Variants in INO80 observed in about 807,000 individuals in gnomAD.
INO80 encodes chromatin-remodeling ATPase INO80.
In INO80, 20 loss-of-function variants were observed where a neutral mutation model predicts 203.4. That is an observed-to-expected ratio of 0.10 (90% CI 0.07 to 0.14). INO80 has a LOEUF of 0.14. INO80 is among the 10% of genes least tolerant of loss of function. The pLI is 1.00. For missense variants in INO80, 1,419 were observed against 1,914.4 expected (o/e 0.74, Z 4.83); for synonymous variants, 726 against 685.2 (o/e 1.06, Z -0.93).
At chr15:41,061,415 G>T (rs988264087) in intron 14 of INO80, among the ~76,000 whole-genome samples, 1 of 141,804 alleles carries the variant, frequency 7.1e-6, no homozygotes, top group African/African-American at 2.8e-5. Context: ...GACCACCCTG[G>T]CCAACATGGT....
rs2044493503 is a variant in INO80, at chr15:41,032,058, CACAGGACAGCACAGG to C, written c.2908-4337_2908-4323del. Among the ~76,000 whole-genome samples, 274 of 69,834 alleles carry C rather than the reference CACAGGACAGCACAGG, an allele frequency of 3.9e-3. 4 individuals carry two copies. The highest frequency in any genetic ancestry group is 8.3e-3 in the African/African-American group (165 of 19,974). 45.8% of individuals were successfully genotyped at this position (69,834 alleles called of 152,430 possible). ...CACAGCACAGCACAGCACAGCACAG[CACAGGACAGCACAGG>C]ACAGCACAGCACAGCACAGCACAGC... On this transcript the variant is annotated intron_variant, in intron 24 of 35. Coordinates refer to ENST00000648947, the MANE Select transcript of INO80 (RefSeq NM_017553.3).
chr15:41,008,843 A>AT (rs1014799096), intron 27 of INO80, among the ~76,000 whole-genome samples: 3 of 151,748 alleles, frequency 2.0e-5, no homozygotes, highest in Non-Finnish European at 2.9e-5. Context: ...TTTTATTTTT[A>AT]TTTTTTTTGA....
At chr15:40,981,571 A>C (rs1893831711) in intron 35 of INO80, among the ~76,000 whole-genome samples, 1 of 152,218 alleles carries the variant, frequency 6.6e-6, no homozygotes, top group South Asian at 2.1e-4. Context: ...ATTACTGAGC[A>C]ATTACTACAC....
intron 28 of INO80, among the ~76,000 whole-genome samples, chr15:40,999,870 C>T (rs1445841630): frequency 1.3e-5 from 2 of 152,094 alleles, no homozygotes; most frequent in Non-Finnish European, 2.9e-5. Context: ...GTGTGAGGAT[C>T]ACTTGAGCCT....
intron 16 of INO80, among the ~76,000 whole-genome samples, chr15:41,058,083 A>C (rs1407952672): frequency 2.6e-5 from 4 of 152,156 alleles, no homozygotes; most frequent in African/African-American, 9.6e-5. Context: ...AACATAAAAC[A>C]AACAGAGCAT....
intron 29 of INO80, 69 bp from the exon 30 acceptor site, chr15:40,988,043 C>A: frequency 7.2e-7 from 1 of 1,386,526 alleles, no homozygotes; most frequent in Non-Finnish European, 1.0e-6. Flanking sequence ...GCAACCCAGC[C>A]AATTGTCTGT....
At chr15:41,064,503 C>T (rs1015512978) in intron 14 of INO80, among the ~76,000 whole-genome samples, 2 of 152,064 alleles carry the variant, frequency 1.3e-5, no homozygotes, top group African/African-American at 4.8e-5. Flanking sequence ...CCTAGAAATA[C>T]ACTTTTAAAT....
chr15:41,099,723 A>G (rs1159734127), intron 1 of INO80, among the ~76,000 whole-genome samples: 1 of 151,990 alleles, frequency 6.6e-6, no homozygotes, highest in East Asian at 1.9e-4. Flanking sequence ...TTGAGACCTC[A>G]GTAAGTCATG....
chr15:41,080,216 C>T (rs1197493280), intron 8 of INO80, among the ~76,000 whole-genome samples: 1 of 152,176 alleles, frequency 6.6e-6, no homozygotes, highest in South Asian at 2.1e-4. Flanking sequence ...ACAGCTATCA[C>T]TGCTTATTAC....
chr15:40,989,829 G>A (rs1227339617), intron 29 of INO80, among the ~76,000 whole-genome samples: 1 of 152,156 alleles, frequency 6.6e-6, no homozygotes, highest in Non-Finnish European at 1.5e-5. Flanking sequence ...CCTTTAGTCA[G>A]ATGGGTCTCT....
At chr15:41,032,462 A>C (rs1341817888) in intron 24 of INO80, among the ~76,000 whole-genome samples, 1 of 152,180 alleles carries the variant, frequency 6.6e-6, no homozygotes, top group Non-Finnish European at 1.5e-5. Flanking sequence ...CATTTGCAGC[A>C]CTCACGATCT....
At chr15:41,000,516 C>A (rs1216541377) in intron 28 of INO80, among the ~76,000 whole-genome samples, 5 of 151,512 alleles carry the variant, frequency 3.3e-5, no homozygotes, top group Non-Finnish European at 7.4e-5. Context: ...GGCAACAGGG[C>A]GAAACCTTGT....
chr15:41,058,904 A>G, intron 15 of INO80, 123 bp from the exon 16 acceptor site: 2 of 853,744 alleles, frequency 2.3e-6, no homozygotes, highest in Non-Finnish European at 3.6e-6. Flanking sequence ...TGCTTCTCCC[A>G]TATGGTAGGG....
intron 24 of INO80, among the ~76,000 whole-genome samples, chr15:41,038,086 C>G (rs920461481): frequency 7.4e-5 from 10 of 134,692 alleles, no homozygotes; most frequent in African/African-American, 2.8e-4. Flanking sequence ...ATGATCTCAG[C>G]TCACTGCAAC....
In INO80 at chr15:41,076,907, G is replaced by T. The variant is rs1351616372; in HGVS notation, c.1132-2342C>A. Among the ~76,000 whole-genome samples, 11 of 151,966 alleles carry T rather than the reference G, an allele frequency of 7.2e-5. No homozygotes were observed. The South Asian group carries it at 2.3e-3, about 32-fold the overall frequency. On this transcript the variant is annotated intron_variant, in intron 9 of 35. Transcript: ENST00000648947. Reference sequence around the variant, plus strand: ...TAGCATATTAAAGAGTCATTATTTTGTTTTCTTTTTCTTTTTTTGAGATGG... The same window carrying T: ...TAGCATATTAAAGAGTCATTATTTTTTTTTCTTTTTCTTTTTTTGAGATGG...
intron 14 of INO80, among the ~76,000 whole-genome samples, chr15:41,061,928 TGTTTTCTAGATGTG>T (rs1296903349): frequency 6.6e-6 from 1 of 152,200 alleles, no homozygotes; most frequent in Non-Finnish European, 1.5e-5. Context: ...TTTTCTGTGA[TGTTTTCTAGATGTG>T]GTTTTCTTTC....
chr15:41,062,394 G>A (rs1054778648), intron 14 of INO80, among the ~76,000 whole-genome samples: 1 of 152,136 alleles, frequency 6.6e-6, no homozygotes, highest in African/African-American at 2.4e-5. Flanking sequence ...CTGAGGCCAG[G>A]AGTTCAAGAC....
chr15:41,065,090 T>C (rs1479709815), intron 14 of INO80, among the ~76,000 whole-genome samples: 1 of 152,208 alleles, frequency 6.6e-6, no homozygotes, highest in Non-Finnish European at 1.5e-5. Context: ...AAAGTTTATT[T>C]TTTTATCAAT....
In INO80 at chr15:40,987,838, T is replaced by C; in HGVS notation, c.3707A>G (p.Gln1236Arg). ...TACCTCACTCTTCTCCTTGGCTCTT[T>C]GCAGAATGCGTTCTTCAATGGTGCC... ...CKGTIEERIL[Q>R]RAKEKSEIQR... is the part of the protein sequence containing the mutation. The change falls in exon 30 of 36, where the codon CAA becomes CGA. Residue 1236 changes from glutamine to arginine, a missense_variant. Around this residue, in one of 9 missense-constraint regions of INO80, gnomAD observed 65 missense variants for 186.7 expected, o/e 0.35. Coordinates refer to ENST00000648947, the MANE Select transcript of INO80 (RefSeq NM_017553.3). The C allele has an allele frequency of 6.2e-7, 1 of 1,614,162 alleles. No individual in the cohort carries two copies. Among genetic ancestry groups the C allele is most frequent in the Non-Finnish European group, 8.5e-7 (1 of 1,180,010 alleles).
Sources: allele counts gnomAD v4.1 joint callset (sites outside exome capture counted in the v4.1 genomes callset), GRCh38; gene constraint gnomAD v4.1.1; regional missense constraint gnomAD v4.1.1; transcripts MANE v1.5; gene names NCBI Gene and HGNC (gene_info 2026-07-23, HGNC 2026-07-21).